CDC14B: variants seen among roughly 807,000 people sequenced by gnomAD.
CDC14B encodes the protein dual specificity protein phosphatase CDC14B.
Under a neutral mutation model 64.2 loss-of-function variants are expected in CDC14B, and 22 were observed. The observed-to-expected ratio is 0.34, with a 90% confidence interval of 0.24 to 0.49. CDC14B has a LOEUF of 0.49. CDC14B is among the 20% of genes least tolerant of loss of function. The pLI is 0.99. For missense variants in CDC14B, 498 were observed against 629.9 expected (o/e 0.79, Z 2.24); for synonymous variants, 191 against 215.8 (o/e 0.89, Z 1.01).
chr9:96,597,974 T>C (rs939000239), intron 1 of CDC14B, among the ~76,000 whole-genome samples: 4 of 152,220 alleles, frequency 2.6e-5, no homozygotes, highest in Non-Finnish European at 5.9e-5. Flanking sequence ...AGTACAATTA[T>C]GACTTAAAAT....
chr9:96,516,820 T>TC (rs913445788), intron 12 of CDC14B, among the ~76,000 whole-genome samples: 1 of 151,648 alleles, frequency 6.6e-6, no homozygotes, highest in African/African-American at 2.4e-5. Flanking sequence ...AGATGGAGTT[T>TC]CACTCTTGTC....
At chr9:96,563,165 T>C (rs533527177) in intron 3 of CDC14B, among the ~76,000 whole-genome samples, 3 of 152,252 alleles carry the variant, frequency 2.0e-5, no homozygotes, top group South Asian at 4.1e-4. Context: ...TACAGTGTTA[T>C]AAGCCAGGGC....
At chr9:96,557,983 T>C (rs542621987) in intron 4 of CDC14B, among the ~76,000 whole-genome samples, 10 of 152,240 alleles carry the variant, frequency 6.6e-5, no homozygotes, top group Non-Finnish European at 1.3e-4. Context: ...ATTTAACCCA[T>C]AGAAGAGATG....
chr9:96,514,933 A>G, intron 12 of CDC14B: 7 of 985,410 alleles, frequency 7.1e-6, no homozygotes, highest in Non-Finnish European at 8.4e-6. Flanking sequence ...AGCCTATTAA[A>G]GGCATTCTGG....
chr9:96,547,109 A>G (rs1231418620), intron 5 of CDC14B, among the ~76,000 whole-genome samples: 1 of 151,796 alleles, frequency 6.6e-6, no homozygotes, highest in African/African-American at 2.4e-5. Flanking sequence ...GGAAGGTTGG[A>G]ATATTTAACA....
chr9:96,619,182 C>T (rs1486505560), intron 1 of CDC14B, 37 bp downstream of exon 1: 2 of 1,226,842 alleles, frequency 1.6e-6, no homozygotes, highest in Non-Finnish European at 2.0e-6. Flanking sequence ...CGGGTGCGGC[C>T]GTCCGGGGCC....
At chr9:96,553,203 G>A (rs954588086) in intron 4 of CDC14B, among the ~76,000 whole-genome samples, 2 of 152,132 alleles carry the variant, frequency 1.3e-5, no homozygotes, top group Admixed American at 1.3e-4. Context: ...CAAAGATCCA[G>A]CAAGGATCTT....
intron 1 of CDC14B, among the ~76,000 whole-genome samples, chr9:96,588,768 C>T (rs1845606626): frequency 6.6e-6 from 1 of 151,976 alleles, no homozygotes; most frequent in Non-Finnish European, 1.5e-5. Flanking sequence ...GCCATTGCAC[C>T]CAGCCAAATT....
chr9:96,588,935 T>C (rs749721076), intron 1 of CDC14B, among the ~76,000 whole-genome samples: 3 of 152,228 alleles, frequency 2.0e-5, no homozygotes, highest in Non-Finnish European at 2.9e-5. Context: ...TAGATTTAAA[T>C]TTTGTAGTAT....
At chr9:96,601,844 G>C (rs1009998692) in intron 1 of CDC14B, among the ~76,000 whole-genome samples, 3 of 145,056 alleles carry the variant, frequency 2.1e-5, no homozygotes, top group Non-Finnish European at 3.0e-5. Flanking sequence ...CTGATCACAA[G>C]GTCAGGAGAT....
In CDC14B at chr9:96,504,335, C is replaced by T. The variant is rs560580194; in HGVS notation, c.1461-546G>A. On this transcript the variant is annotated intron_variant, in intron 13 of 13. Coordinates refer to ENST00000375241, the MANE Select transcript of CDC14B (RefSeq NM_033331.4). The stretch of plus-strand genomic sequence containing the variant: ...CCGCACTCCACGATTCTCATCCTGC[C>T]TCTCTTCTCTCCTTCCCCAGTTCAC... Among the ~76,000 whole-genome samples, 14 of 152,230 alleles carry T rather than the reference C, an allele frequency of 9.2e-5. No homozygotes were observed. The South Asian group carries it at 2.5e-3, about 27-fold the overall frequency.
chr9:96,529,544 T>G (rs2131642428), intron 9 of CDC14B, among the ~76,000 whole-genome samples: 1 of 148,314 alleles, frequency 6.7e-6, no homozygotes, highest in Non-Finnish European at 1.5e-5. Context: ...CAGGCTGGAA[T>G]GCAATGGCAC....
At chr9:96,545,598 G>T (rs1036604680) in intron 5 of CDC14B, among the ~76,000 whole-genome samples, 11 of 152,134 alleles carry the variant, frequency 7.2e-5, no homozygotes, top group African/African-American at 2.7e-4. Flanking sequence ...GATTATAGGC[G>T]TGAGCCACTG....
chr9:96,610,325 A>C (rs1847234094), intron 1 of CDC14B, among the ~76,000 whole-genome samples: 1 of 151,940 alleles, frequency 6.6e-6, no homozygotes, highest in African/African-American at 2.4e-5. Context: ...CAGCCTCCTG[A>C]GTATCTGGGA....
chr9:96,568,706 A>C (rs1481840197), intron 1 of CDC14B, among the ~76,000 whole-genome samples: 3 of 152,202 alleles, frequency 2.0e-5, no homozygotes, highest in African/African-American at 7.2e-5. Flanking sequence ...ATCTGAGGTC[A>C]GGAGTTCGAG....
intron 12 of CDC14B, among the ~76,000 whole-genome samples, chr9:96,514,036 C>T (rs1490048082): frequency 1.3e-5 from 2 of 152,326 alleles, no homozygotes; most frequent in East Asian, 3.9e-4. Context: ...ATTAACACCA[C>T]TGTAACTGTC....
At chr9:96,529,490 CT>C (rs56239842) in intron 9 of CDC14B, among the ~76,000 whole-genome samples, 6,397 of 130,846 alleles carry the variant, frequency 0.049, 283 homozygotes, top group African/African-American at 0.17. Flanking sequence ...TGTACTAAGC[CT>C]TTTTTTTTTT....
exon 14 of CDC14B, chr9:96,492,735 A>ACTC (rs1833119838): frequency 6.6e-6 from 1 of 151,954 alleles, no homozygotes; most frequent in Non-Finnish European, 1.5e-5. Flanking sequence ...CAAGAGCAAG[A>ACTC]CTCTGTCTTT....
At chr9:96,561,916 G>T (rs1029062096) in intron 4 of CDC14B, among the ~76,000 whole-genome samples, 1 of 152,138 alleles carries the variant, frequency 6.6e-6, no homozygotes, top group Non-Finnish European at 1.5e-5. Context: ...CCAGACACAG[G>T]GGGTAGTACT....
Sources: allele counts gnomAD v4.1 joint callset (sites outside exome capture counted in the v4.1 genomes callset), GRCh38; gene constraint gnomAD v4.1.1; transcripts MANE v1.5; gene names NCBI Gene and HGNC (gene_info 2026-07-23, HGNC 2026-07-21).